COL4A3: variants seen among roughly 807,000 people sequenced by gnomAD.
The protein encoded by COL4A3 is collagen alpha-3(IV) chain.
In COL4A3, 135 loss-of-function variants were observed where a neutral mutation model predicts 217.4. The ratio of observed to expected loss-of-function variants is 0.62; its 90% CI spans 0.54 to 0.72. The LOEUF (loss-of-function observed/expected upper bound fraction) is 0.72, where lower values mean the gene tolerates loss of function less well. Among genes scored for constraint, COL4A3 ranks in the 30% least tolerant of loss-of-function variants. The probability of loss-of-function intolerance (pLI) is 0.00; values close to 1 mark genes in which losing one functional copy is unlikely to be tolerated. For synonymous variants in COL4A3, 690 were observed against 736.3 expected, an observed-to-expected ratio of 0.94 and a Z score of 1.02; for missense variants, 1,868 against 2,119.9, an observed-to-expected ratio of 0.88 and a Z score of 2.33.
At chr2:227,228,159 A>C (rs78438137) in intron 1 of COL4A3, among the ~76,000 whole-genome samples, 151 of 152,294 alleles carry the variant, frequency 9.9e-4, no homozygotes, top group South Asian at 1.9e-3. Context: ...AGGGATAGGA[A>C]GTGGCAGCTG....
At chr2:227,172,774 A>G (rs2065538027) in intron 1 of COL4A3, among the ~76,000 whole-genome samples, 1 of 151,552 alleles carries the variant, frequency 6.6e-6, no homozygotes, top group Non-Finnish European at 1.5e-5. Context: ...TTTAGTAGAG[A>G]TGGGGTTTCA....
chr2:227,273,640 C>T (rs1204216795), intron 26 of COL4A3, among the ~76,000 whole-genome samples: 1 of 152,046 alleles, frequency 6.6e-6, no homozygotes, highest in Non-Finnish European at 1.5e-5. Flanking sequence ...CTCCTACTCC[C>T]AACCCCAAAC....
At chr2:227,190,552 G>A (rs1273692921) in intron 1 of COL4A3, among the ~76,000 whole-genome samples, 2 of 152,210 alleles carry the variant, frequency 1.3e-5, no homozygotes, top group African/African-American at 4.8e-5. Flanking sequence ...GAGGGACTTT[G>A]TGTATTCTTT....
In COL4A3 at chr2:227,289,222, G is replaced by T. The variant is rs121912827; in HGVS notation, c.2954G>T (p.Gly985Val). 6 of 1,613,724 alleles carry T rather than the reference G, an allele frequency of 3.7e-6. No individual in the cohort carries two copies. In the Admixed American group the frequency reaches 6.7e-5, roughly 18 times the overall value. The change falls in exon 35 of 52, where the codon GGA (glycine) becomes GTA (valine). Residue 985 changes from glycine to valine, a missense_variant. Gly to Val is a moderately radical substitution (Grantham distance 109). Around this residue, in one of 2 missense-constraint regions of COL4A3, gnomAD observed 1,503 missense variants for 1,786.1 expected, o/e 0.84. Transcript: ENST00000396578. Reference protein sequence around the residue: ...PGMPGLKGLKGLPGPAGPPGP... With the variant: ...PGMPGLKGLKVLPGPAGPPGP... ...ATGCCAGGTTTAAAGGGCCTCAAAG[G>T]ACTACCCGGACCAGCAGGACCACCA...
intron 1 of COL4A3, among the ~76,000 whole-genome samples, chr2:227,178,779 A>T (rs1055553999): frequency 3.3e-5 from 5 of 151,834 alleles, no homozygotes; most frequent in African/African-American, 1.2e-4. Flanking sequence ...TGAACTCCCA[A>T]CCTCAGGTGA....
intron 1 of COL4A3, among the ~76,000 whole-genome samples, chr2:227,234,761 C>T (rs10460432): frequency 0.03 from 4,530 of 152,294 alleles, 358 homozygotes; most frequent in East Asian, 0.26. Flanking sequence ...CTTGCTTAAG[C>T]TAAGACCGAA....
chr2:227,290,660 G>A, intron 36 of COL4A3, 87 bp from the exon 37 acceptor site: 1 of 1,326,482 alleles, frequency 7.5e-7, no homozygotes, highest in Non-Finnish European at 1.1e-6. Context: ...CCATTCTTGG[G>A]AGAAAGCTTA....
chr2:227,264,904 C>T (rs761141020), intron 21 of COL4A3: 37 of 152,388 alleles, frequency 2.4e-4, no homozygotes, highest in Non-Finnish European at 4.7e-4. Context: ...TTCCTACTTT[C>T]CCTTCGCTAA....
chr2:227,292,497 G>A (rs1559908646), intron 37 of COL4A3, among the ~76,000 whole-genome samples: 1 of 152,178 alleles, frequency 6.6e-6, no homozygotes, highest in Non-Finnish European at 1.5e-5. Context: ...CACAAAATGA[G>A]CTGGTTTTAT....
At chr2:227,186,974 T>G (rs1282287293) in intron 1 of COL4A3, among the ~76,000 whole-genome samples, 2 of 152,206 alleles carry the variant, frequency 1.3e-5, no homozygotes. Flanking sequence ...CCCTTGGGAC[T>G]CTTTAATAAG....
intron 7 of COL4A3, 160 bp downstream of exon 7, chr2:227,246,898 A>C (rs779186469): frequency 4.0e-6 from 3 of 749,404 alleles, no homozygotes; most frequent in African/African-American, 1.7e-5. Flanking sequence ...GAATACATGC[A>C]TTATGAGTGT....
In COL4A3 at chr2:227,261,080, A is replaced by C; in HGVS notation, c.1115-2A>C. On this transcript the variant is annotated splice_acceptor_variant, in intron 19 of 51. Transcript: ENST00000396578. LOFTEE classifies it high-confidence loss of function. ...CAATTAATTAATGTTATATATTCCC[A>C]GGTCCCAGTGGTCCCCCCGGAGTTC... 1 of 1,610,710 alleles carries C rather than the reference A, an allele frequency of 6.2e-7. No individual in the cohort carries two copies. Among genetic ancestry groups the C allele is most frequent in the Non-Finnish European group, 8.5e-7 (1 of 1,176,896 alleles).
intron 34 of COL4A3, among the ~76,000 whole-genome samples, chr2:227,285,277 TAAAAAAAAAAAA>T (rs764697409): frequency 1.4e-5 from 1 of 72,374 alleles, no homozygotes; most frequent in Non-Finnish European, 2.4e-5. Context: ...CTGCCAAACC[TAAAAAAAAAAAA>T]AAAAAAAAAA....
chr2:227,213,914 A>AG (rs1553742533), intron 1 of COL4A3, among the ~76,000 whole-genome samples: 14 of 146,266 alleles, frequency 9.6e-5, no homozygotes, highest in East Asian at 5.8e-4. Context: ...AAAAAAAAAA[A>AG]AAAAAGAAAA....
chr2:227,220,232 G>A (rs1396139455), intron 1 of COL4A3, among the ~76,000 whole-genome samples: 2 of 136,150 alleles, frequency 1.5e-5, no homozygotes, highest in East Asian at 2.3e-4. Context: ...ACCCAGGCTG[G>A]AGTGCAGTGG....
At chr2:227,246,326 A>G (rs2069336022) in intron 6 of COL4A3, 1 of 508,674 alleles carries the variant, frequency 2.0e-6, no homozygotes, top group Non-Finnish European at 3.5e-6. Context: ...GGAAGGAATG[A>G]CTGAGCTTTT....
At chr2:227,311,080 T>G in intron 51 of COL4A3, 132 bp downstream of exon 51, 1 of 854,302 alleles carries the variant, frequency 1.2e-6, no homozygotes, top group Non-Finnish European at 1.9e-6. Flanking sequence ...ATGGGTTTTG[T>G]CATCACTAAA....
chr2:227,208,875 GAAAC>G (rs1559828509), intron 1 of COL4A3, among the ~76,000 whole-genome samples: 1 of 151,774 alleles, frequency 6.6e-6, no homozygotes, highest in African/African-American at 2.4e-5. Context: ...AGGAGGGAGA[GAAAC>G]AAAATTATGC....
intron 1 of COL4A3, among the ~76,000 whole-genome samples, chr2:227,182,806 C>G (rs979282733): frequency 6.6e-6 from 1 of 152,112 alleles, no homozygotes; most frequent in African/African-American, 2.4e-5. Context: ...ATCAATCAAA[C>G]CCCTCTTGAG....
Sources: allele counts gnomAD v4.1 joint callset (sites outside exome capture counted in the v4.1 genomes callset), GRCh38; gene constraint gnomAD v4.1.1; regional missense constraint gnomAD v4.1.1; transcripts MANE v1.5; gene names NCBI Gene and HGNC (gene_info 2026-07-23, HGNC 2026-07-21).